The following PEX5L variants were observed in gnomAD, a reference collection of about 807,000 sequenced individuals.
PEX5L encodes the protein PEX5-related protein.
Under a neutral mutation model 84.0 loss-of-function variants are expected in PEX5L, and 30 were observed. The observed-to-expected ratio is 0.36, with a 90% CI of 0.27 to 0.48. PEX5L has a LOEUF of 0.48. PEX5L is among the 20% of genes least tolerant of loss of function. The pLI is 0.99. For missense variants in PEX5L, 533 were observed against 754.6 expected, an observed-to-expected ratio of 0.71 and a Z score of 3.44; for synonymous variants, 270 against 283.1, an observed-to-expected ratio of 0.95 and a Z score of 0.46.
intron 10 of PEX5L, among the ~76,000 whole-genome samples, chr3:179,812,670 C>A (rs1443185123): frequency 6.6e-6 from 1 of 151,976 alleles, no homozygotes; most frequent in Non-Finnish European, 1.5e-5. Context: ...AAGTTTTTAA[C>A]ACAGCAAATT....
rs1359941701 is a variant in PEX5L, at chr3:180,036,822, G to C, written c.-223C>G. On this transcript the variant is annotated 5_prime_UTR_variant, in exon 1 of 15. Coordinates refer to ENST00000467460, the MANE Select transcript of PEX5L (RefSeq NM_016559.3). ...CGGGGTGCTGAAAGCGGACGCGGGA[G>C]AGCGCGCAGAGAAGGCGAGGAGCCG... 1.2e-5 allele frequency: 7 copies of C among 574,602 alleles called. No homozygotes were observed. Among genetic ancestry groups the C allele is most frequent in the African/African-American group, 1.1e-4 (6 of 53,326 alleles). The allele number at this position is 574,602 out of a possible 1,614,324, so 35.6% of individuals were successfully genotyped here.
At chr3:179,836,704 T>C (rs73885956) in intron 8 of PEX5L, among the ~76,000 whole-genome samples, 2,842 of 152,280 alleles carry the variant, frequency 0.019, 84 homozygotes, top group African/African-American at 0.066. Flanking sequence ...ACCAATTAGA[T>C]CATTTAACCA....
intron 5 of PEX5L, 147 bp downstream of exon 5, chr3:179,879,782 A>G: frequency 2.0e-6 from 1 of 510,296 alleles, no homozygotes; most frequent in Non-Finnish European, 3.4e-6. Context: ...TTCAAGCTCA[A>G]AAGAAGCTAT....
intron 2 of PEX5L, among the ~76,000 whole-genome samples, chr3:179,959,071 A>T (rs1268399073): frequency 2.0e-5 from 3 of 151,960 alleles, no homozygotes; most frequent in Non-Finnish European, 2.9e-5. Context: ...AAAAAAAAAA[A>T]ATAAAAAAAA....
intron 2 of PEX5L, among the ~76,000 whole-genome samples, chr3:179,917,061 C>A: frequency 7.9e-6 from 1 of 125,878 alleles, no homozygotes; most frequent in African/African-American, 2.9e-5. Context: ...TTCTGTGTAT[C>A]CTTATTCTAT....
At chr3:179,892,347 C>A (rs764119377) in intron 3 of PEX5L, among the ~76,000 whole-genome samples, 1 of 152,154 alleles carries the variant, frequency 6.6e-6, no homozygotes, top group Non-Finnish European at 1.5e-5. Flanking sequence ...TTAGTGCCAA[C>A]CATTGAGTGC....
chr3:180,036,746 G>C lies in PEX5L; in HGVS notation c.-147C>G. On this transcript the variant is annotated 5_prime_UTR_variant, in exon 1 of 15. Transcript: ENST00000467460. The stretch of plus-strand genomic sequence containing the variant: ...CCCCTGGAGCTCCGGGTACTCGGCC[G>C]GCCGGCGGCCACTCGGCAGCGCTGC... 2 of 795,552 alleles carry C rather than the reference G, an allele frequency of 2.5e-6. No individual in the cohort carries two copies. Among genetic ancestry groups the C allele is most frequent in the Non-Finnish European group, 4.3e-6 (2 of 459,942 alleles). 49.3% of individuals were successfully genotyped at this position (795,552 alleles called of 1,614,324 possible).
At chr3:179,825,936 G>A (rs1224332922) in intron 8 of PEX5L, among the ~76,000 whole-genome samples, 2 of 152,194 alleles carry the variant, frequency 1.3e-5, no homozygotes, top group Non-Finnish European at 2.9e-5. Context: ...TATAAACTAT[G>A]TGAATTGTGT....
intron 1 of PEX5L, among the ~76,000 whole-genome samples, chr3:180,005,416 A>C (rs1788791016): frequency 6.6e-6 from 1 of 152,130 alleles, no homozygotes; most frequent in Non-Finnish European, 1.5e-5. Flanking sequence ...ATATGCCAAC[A>C]CACCTGGCTA....
intron 5 of PEX5L, among the ~76,000 whole-genome samples, chr3:179,877,919 C>A (rs1342917044): frequency 1.3e-5 from 2 of 152,156 alleles, no homozygotes; most frequent in African/African-American, 4.8e-5. Context: ...CCTGTGTATG[C>A]CACTAGTTTG....
chr3:179,818,101 C>T (rs969664432), intron 9 of PEX5L, among the ~76,000 whole-genome samples: 7 of 152,044 alleles, frequency 4.6e-5, no homozygotes, highest in Admixed American at 2.0e-4. Flanking sequence ...GGAGACTATT[C>T]GTCATCACAT....
intron 1 of PEX5L, among the ~76,000 whole-genome samples, chr3:180,015,804 T>A (rs73180036): frequency 0.12 from 18,428 of 150,534 alleles, 1,231 homozygotes; most frequent in African/African-American, 0.17. Flanking sequence ...GATTTGAAAC[T>A]AATTTTCTTG....
At chr3:179,892,367 G>C (rs934388994) in intron 3 of PEX5L, among the ~76,000 whole-genome samples, 4 of 151,962 alleles carry the variant, frequency 2.6e-5, no homozygotes, top group African/African-American at 9.7e-5. Flanking sequence ...CCTCTTTATA[G>C]CACCTACATG....
At chr3:180,025,238 C>G (rs62290518) in intron 1 of PEX5L, among the ~76,000 whole-genome samples, 3 of 152,154 alleles carry the variant, frequency 2.0e-5, no homozygotes, top group Non-Finnish European at 4.4e-5. Flanking sequence ...ATCTTAGCAT[C>G]ACGGAGACCA....
chr3:180,005,511 G>T (rs546648713), intron 1 of PEX5L, among the ~76,000 whole-genome samples: 1 of 152,288 alleles, frequency 6.6e-6, no homozygotes, highest in East Asian at 1.9e-4. Flanking sequence ...GGTGGATCAC[G>T]AGGTCAAGAG....
Position 179,797,889 on chromosome 3 carries a change from T to TACA in PEX5L, c.*3936_*3938dup, listed in dbSNP as rs1216595908. On this transcript the variant is annotated 3_prime_UTR_variant, in exon 15 of 15. Coordinates refer to ENST00000467460, the MANE Select transcript of PEX5L (RefSeq NM_016559.3). ...GATATAAAACAACAACCACCACTGC[T>TACA]ACAACAACTAGCTTAAAGTACAGTC... 4 of 152,122 alleles carry TACA rather than the reference T, an allele frequency of 2.6e-5. No homozygotes were observed. Among genetic ancestry groups the TACA allele is most frequent in the Admixed American group, 2.0e-4 (3 of 15,268 alleles). The allele number at this position is 152,122 out of a possible 1,614,324, so 9.4% of individuals were successfully genotyped here. A position where few individuals can be genotyped will look rare whatever the true frequency, so the allele number is the denominator to read the frequency against.
intron 1 of PEX5L, among the ~76,000 whole-genome samples, chr3:179,985,803 C>T (rs2110347424): frequency 6.6e-6 from 1 of 152,206 alleles, no homozygotes; most frequent in East Asian, 1.9e-4. Flanking sequence ...GCCTTTCTGC[C>T]TCCCCTCAGT....
At chr3:179,951,574 A>G (rs566521465) in intron 2 of PEX5L, among the ~76,000 whole-genome samples, 2 of 152,324 alleles carry the variant, frequency 1.3e-5, no homozygotes, top group East Asian at 1.9e-4. Context: ...TTCAGCAGCT[A>G]TTTTAGAATA....
chr3:179,867,042 GA>G (rs60924890), intron 7 of PEX5L, among the ~76,000 whole-genome samples: 2,284 of 110,454 alleles, frequency 0.021, 55 homozygotes, highest in African/African-American at 0.068. Context: ...AAAAAAAAAA[GA>G]AAAAAAAAAA....
Sources: gnomAD v4.1 joint callset for allele counts (sites outside exome capture counted in the v4.1 genomes callset) on GRCh38, gnomAD v4.1.1 for gene constraint, MANE v1.5 for transcripts, NCBI Gene and HGNC (gene_info 2026-07-23, HGNC 2026-07-21) for gene names.